Variants in MALRD1 observed in about 807,000 individuals in gnomAD.
MALRD1 encodes MAM and LDL receptor class A domain containing 1, also known as MAM and LDL-receptor class A domain-containing protein 1.
A neutral mutation model predicts 242.1 loss-of-function variants in MALRD1; 247 were observed. That is an observed-to-expected ratio of 1.02 (90% CI 0.92 to 1.13). The LOEUF is 1.13. Among genes scored for constraint, MALRD1 ranks in the 50% most tolerant of loss-of-function variants. The pLI is 0.00. For synonymous variants in MALRD1, 995 were observed against 866.6 expected (o/e 1.15, Z -2.60); for missense variants, 2,989 against 2,533.1 (o/e 1.18, Z -3.86).
Position 19,557,973 on chromosome 10 carries a change from T to C in MALRD1, c.5479-9529T>C, listed in dbSNP as rs567966066. 8.3e-4 allele frequency among the ~76,000 whole-genome samples: 126 copies of C among 152,114 alleles called. 2 individuals are homozygous for C. Among genetic ancestry groups the C allele is most frequent in the Non-Finnish European group, 6.0e-4 (41 of 67,988 alleles). ...GTTCTTCATAGATATCATGTACTTT[T>C]TTGTTAGATTTATAAATATATATTT... On this transcript the variant is annotated intron_variant, in intron 32 of 39. Coordinates refer to ENST00000454679, the MANE Select transcript of MALRD1 (RefSeq NM_001142308.3).
intron 32 of MALRD1, among the ~76,000 whole-genome samples, chr10:19,547,423 C>T (rs1221140965): frequency 6.6e-6 from 1 of 151,990 alleles, no homozygotes; most frequent in Non-Finnish European, 1.5e-5. Flanking sequence ...ATTTCTAAAG[C>T]TCTCTGCTTC....
intron 28 of MALRD1, among the ~76,000 whole-genome samples, chr10:19,394,921 A>G (rs569872312): frequency 6.6e-6 from 1 of 152,314 alleles, no homozygotes; most frequent in South Asian, 2.1e-4. Context: ...TATTTTGAGT[A>G]TACTGTTTGC....
At chr10:19,420,397 T>C (rs548038477) in intron 28 of MALRD1, among the ~76,000 whole-genome samples, 46 of 150,508 alleles carry the variant, frequency 3.1e-4, no homozygotes, top group African/African-American at 9.8e-4. Context: ...TACTGACATA[T>C]TGATTCTTTG....
At chr10:19,472,783 T>C (rs1420161682) in intron 29 of MALRD1, among the ~76,000 whole-genome samples, 2 of 151,736 alleles carry the variant, frequency 1.3e-5, no homozygotes, top group African/African-American at 4.8e-5. Context: ...TATCTGGCCT[T>C]TCTAAGTCTA....
Position 19,716,184 on chromosome 10 carries a change from C to G in MALRD1, c.6315-14522C>G, listed in dbSNP as rs76601882. Among the ~76,000 whole-genome samples the G allele has an allele frequency of 3.3e-4, 51 of 152,344 alleles. No individual in the cohort carries two copies. In the East Asian group the frequency reaches 9.8e-3, roughly 29 times the overall value. ...TATATTAAACACATTCAACCTCACACAGATACGTATTTTTTAAAAGGAGGT... is the reference window on the plus strand; with the variant it reads ...TATATTAAACACATTCAACCTCACAGAGATACGTATTTTTTAAAAGGAGGT... On this transcript the variant is annotated intron_variant, in intron 38 of 39. Transcript: ENST00000454679.
intron 18 of MALRD1, among the ~76,000 whole-genome samples, chr10:19,227,358 C>T (rs12247476): frequency 0.089 from 13,431 of 151,470 alleles, 778 homozygotes; most frequent in African/African-American, 0.17. Context: ...CCAAAGTTGC[C>T]GAAATAATTC....
intron 28 of MALRD1, among the ~76,000 whole-genome samples, chr10:19,437,283 T>A (rs1460655190): frequency 6.6e-6 from 1 of 152,080 alleles, no homozygotes; most frequent in African/African-American, 2.4e-5. Flanking sequence ...TTTATTTATG[T>A]TTTCTTTGTT....
Position 19,691,572 on chromosome 10 carries a change from T to C in MALRD1, c.6138-710T>C, listed in dbSNP as rs190859932. Reference sequence around the variant, plus strand: ...GTTAAACAAGTGTGTATACATGAACTTTCAGATACTACCAGAAAAATTTCA... The same window carrying C: ...GTTAAACAAGTGTGTATACATGAACCTTCAGATACTACCAGAAAAATTTCA... On this transcript the variant is annotated intron_variant, in intron 36 of 39. Coordinates refer to ENST00000454679, the MANE Select transcript of MALRD1 (RefSeq NM_001142308.3). 7.9e-5 allele frequency among the ~76,000 whole-genome samples: 12 copies of C among 152,218 alleles called. No individual in the cohort carries two copies. In the East Asian group the frequency reaches 2.3e-3, roughly 29 times the overall value.
intron 5 of MALRD1, among the ~76,000 whole-genome samples, chr10:19,120,623 A>AGG (rs149310925): frequency 6.6e-6 from 1 of 152,118 alleles, no homozygotes; most frequent in Non-Finnish European, 1.5e-5. Flanking sequence ...CTGCCAGGGT[A>AGG]GGGGGAGAAG....
Position 19,580,685 on chromosome 10 carries a change from C to T in MALRD1, c.5680+12982C>T, listed in dbSNP as rs143534971. Among the ~76,000 whole-genome samples, 73 of 152,240 alleles carry T rather than the reference C, an allele frequency of 4.8e-4. 3 individuals are homozygous for T. The East Asian group carries it at 0.012, about 25-fold the overall frequency. ...TTATGTTAATTTTATTTAGCTTTGG[C>T]CTCGACTAGCTGCAGTTAATCACTT... On this transcript the variant is annotated intron_variant, in intron 33 of 39. Transcript: ENST00000454679.
At chr10:19,276,896 G>T (rs950753620) in intron 19 of MALRD1, among the ~76,000 whole-genome samples, 2 of 150,812 alleles carry the variant, frequency 1.3e-5, no homozygotes, top group Admixed American at 6.6e-5. Flanking sequence ...ATTTTATTTT[G>T]ATTGTTTAAT....
chr10:19,207,887 C>A (rs11816914), intron 17 of MALRD1, among the ~76,000 whole-genome samples: 2 of 151,916 alleles, frequency 1.3e-5, no homozygotes, highest in Admixed American at 1.3e-4. Flanking sequence ...ATGCCTGCAC[C>A]GTAACTCTTG....
At chr10:19,286,569 G>A (rs1356675717) in intron 21 of MALRD1, among the ~76,000 whole-genome samples, 1 of 152,066 alleles carries the variant, frequency 6.6e-6, no homozygotes, top group East Asian at 1.9e-4. Context: ...AGAAAATCTA[G>A]AAGAAATGGA....
chr10:19,565,234 A>G lies in MALRD1; in HGVS notation c.5479-2268A>G, dbSNP rs78279946. Among the ~76,000 whole-genome samples the G allele has an allele frequency of 1.9e-3, 288 of 152,194 alleles. 6 individuals are homozygous for G. The East Asian group carries it at 0.04, about 21-fold the overall frequency. ...GGGAAAGTCATGGTGTGGTTTTGAG[A>G]AGTAGAGTAGGAAGAGAATGGAACG... is the stretch of plus-strand genomic sequence containing the variant. On this transcript the variant is annotated intron_variant, in intron 32 of 39. Transcript: ENST00000454679.
intron 20 of MALRD1, among the ~76,000 whole-genome samples, chr10:19,282,518 C>T (rs184163595): frequency 1.3e-5 from 2 of 152,196 alleles, no homozygotes; most frequent in South Asian, 2.1e-4. Context: ...TTTAAAAAAT[C>T]GCTGGACCTG....
intron 2 of MALRD1, among the ~76,000 whole-genome samples, chr10:19,080,957 C>T (rs1216008148): frequency 6.6e-6 from 1 of 151,912 alleles, no homozygotes; most frequent in African/African-American, 2.4e-5. Flanking sequence ...GGGCAAAGGA[C>T]ATGAACAGAC....
intron 31 of MALRD1, among the ~76,000 whole-genome samples, 190 bp from the exon 32 acceptor site, chr10:19,531,004 G>A (rs1421132299): frequency 1.3e-5 from 2 of 152,102 alleles, no homozygotes; most frequent in Non-Finnish European, 2.9e-5. Flanking sequence ...TGAATCACAT[G>A]ATCATAGTGA....
intron 5 of MALRD1, among the ~76,000 whole-genome samples, chr10:19,122,616 T>C (rs968707562): frequency 1.9e-4 from 29 of 152,032 alleles, no homozygotes; most frequent in African/African-American, 7.0e-4. Flanking sequence ...AGCTTGGGTA[T>C]TTAGGAAGAT....
At chr10:19,430,433 C>G (rs1050525133) in intron 28 of MALRD1, among the ~76,000 whole-genome samples, 1 of 151,848 alleles carries the variant, frequency 6.6e-6, no homozygotes, top group South Asian at 2.1e-4. Context: ...TTTCTTTATG[C>G]TCTTGCTGGT....
Sources: gnomAD v4.1 joint callset for allele counts (sites outside exome capture counted in the v4.1 genomes callset) on GRCh38, gnomAD v4.1.1 for gene constraint, MANE v1.5 for transcripts, NCBI Gene and HGNC (gene_info 2026-07-23, HGNC 2026-07-21) for gene names.